MED13: variants seen among roughly 807,000 people sequenced by gnomAD.
MED13 encodes mediator complex subunit 13, also known as mediator of RNA polymerase II transcription subunit 13.
MED13 carries 23 observed loss-of-function variants against 225.2 expected under a neutral mutation model. The observed-to-expected ratio is 0.10, with a 90% confidence interval of 0.07 to 0.14. MED13 has a LOEUF of 0.14. Among genes scored for constraint, MED13 ranks in the 10% least tolerant of loss-of-function variants. The probability of loss-of-function intolerance (pLI) is 1.00; values close to 1 mark genes in which losing one functional copy is unlikely to be tolerated. For missense variants in MED13, 2,197 were observed against 2,594.5 expected (o/e 0.85, Z 3.33); for synonymous variants, 942 against 889.2 (o/e 1.06, Z -1.06).
At chr17:62,059,877 T>C (rs557607199) in intron 2 of MED13, among the ~76,000 whole-genome samples, 1 of 152,284 alleles carries the variant, frequency 6.6e-6, no homozygotes, top group South Asian at 2.1e-4. Context: ...ATTATATAAA[T>C]AACACTGACT....
Position 61,983,082 on chromosome 17 carries a change from G to C in MED13, c.2921C>G (p.Thr974Ser). 1 of 1,612,210 alleles carries C rather than the reference G, an allele frequency of 6.2e-7. No individual in the cohort carries two copies. ...AGTATGAGTTTGAGGTGTATAAGCA[G>C]TGCCATATTCTTGATCCATATTACT... ...DGSNMDQEYGTAYTPQTHTSF... is the reference protein window; with the variant it reads ...DGSNMDQEYGSAYTPQTHTSF... The change falls in exon 16 of 30, where the codon ACT (threonine) becomes AGT (serine). Residue 974 changes from threonine to serine, a missense_variant. Physicochemically the swap from Thr to Ser is moderately conservative, Grantham distance 58 (BLOSUM62 1). Coordinates refer to ENST00000397786, the MANE Select transcript of MED13 (RefSeq NM_005121.3).
intron 2 of MED13, among the ~76,000 whole-genome samples, chr17:62,058,520 CAAAAAA>C (rs751957495): frequency 9.4e-5 from 5 of 53,456 alleles, no homozygotes; most frequent in Admixed American, 4.1e-4. Flanking sequence ...GACTTCATCT[CAAAAAA>C]AAAAAAAAAA....
chr17:62,015,948 ATATATATTTTTTTTTT>A (rs1349257869), intron 8 of MED13, among the ~76,000 whole-genome samples: 13 of 14,610 alleles, frequency 8.9e-4, no homozygotes, highest in East Asian at 4.8e-3. Flanking sequence ...ATATATATAT[ATATATATTTTTTTTTT>A]TTTTTTTTTT....
At chr17:62,064,174 A>G (rs2081063179) in intron 1 of MED13, among the ~76,000 whole-genome samples, 1 of 152,234 alleles carries the variant, frequency 6.6e-6, no homozygotes, top group Non-Finnish European at 1.5e-5. Flanking sequence ...TATACTCTTA[A>G]TATTTCTCAT....
At position 62,010,737 on chromosome 17, in the gene MED13, C is replaced by T. The variant is rs867858271; in HGVS notation, c.1780G>A (p.Val594Ile). 16 of 1,613,368 alleles carry T rather than the reference C, an allele frequency of 9.9e-6. No individual in the cohort carries two copies. In the African/African-American group the frequency reaches 1.6e-4, roughly 16 times the overall value. ...QSFPPQYQEA[V>I]EPTVYVGTAV... The stretch of plus-strand genomic sequence containing the variant: ...GTACCAACATATACTGTAGGTTCTA[C>T]AGCTTCCTGATATTGAGGTGGGAAA... Residue 594 changes from valine (V) to isoleucine (I), a missense_variant, in exon 9 of 30, where the codon GTA becomes ATA. By Grantham distance (29) the Val-to-Ile change is conservative. This residue lies in a region of MED13 where 884 missense variants were observed against 918.5 expected (regional missense o/e 0.96). Coordinates refer to ENST00000397786, the MANE Select transcript of MED13 (RefSeq NM_005121.3).
In MED13 at chr17:61,953,837, T is replaced by C. The variant is rs538492518; in HGVS notation, c.5969-724A>G. ...AAAGTGGGACTACAGTATTCCCCCT[T>C]ATCCATGGGGAATATGTCCCAAGAC... On this transcript the variant is annotated intron_variant, in intron 26 of 29. Coordinates refer to ENST00000397786, the MANE Select transcript of MED13 (RefSeq NM_005121.3). Among the ~76,000 whole-genome samples the C allele has an allele frequency of 4.6e-5, 7 of 152,324 alleles. No homozygotes were observed. The South Asian group carries it at 1.5e-3, about 32-fold the overall frequency.
At chr17:62,055,383 C>CT (rs2080988597) in intron 2 of MED13, among the ~76,000 whole-genome samples, 1 of 150,950 alleles carries the variant, frequency 6.6e-6, no homozygotes, top group South Asian at 2.1e-4. Flanking sequence ...TAGCGAGACT[C>CT]TGACTCAAAA....
chr17:61,968,223 T>C lies in MED13; in HGVS notation c.4003A>G (p.Thr1335Ala). Residue 1335 changes from threonine (T) to alanine (A), a missense_variant, in exon 18 of 30, where the codon ACA becomes GCA. Physicochemically the swap from Thr to Ala is moderately conservative, Grantham distance 58 (BLOSUM62 0). Coordinates refer to ENST00000397786, the MANE Select transcript of MED13 (RefSeq NM_005121.3). ...DESPEPLPIP[T>A]FLLGYDYDYL... is the part of the protein sequence containing the mutation. ...TCATAATCATAACCCAACAAAAATGTGGGGATTGGCAGTGGTTCTGGGGAT... is the reference window on the plus strand; with the variant it reads ...TCATAATCATAACCCAACAAAAATGCGGGGATTGGCAGTGGTTCTGGGGAT... The C allele has an allele frequency of 6.2e-7, 1 of 1,614,044 alleles. No individual in the cohort carries two copies. Among genetic ancestry groups the C allele is most frequent in the Non-Finnish European group, 8.5e-7 (1 of 1,179,988 alleles).
chr17:61,956,456 TAGC>T lies in MED13; in HGVS notation c.5503_5505del (p.Ala1835del), dbSNP rs769501404. 1.9e-6 allele frequency: 3 copies of T among 1,612,568 alleles called. No individual in the cohort carries two copies. The highest frequency in any genetic ancestry group is 2.5e-6 in the Non-Finnish European group (3 of 1,179,550). ...CAAAGTTTCTGTAGACCAAATTTTCTAGCAGAACTTTTTTTCCGACGAGCCCTA... is the reference window on the plus strand; with the variant it reads ...CAAAGTTTCTGTAGACCAAATTTTCTAGAACTTTTTTTCCGACGAGCCCTA... On this transcript the variant is annotated inframe_deletion, in exon 24 of 30. Coordinates refer to ENST00000397786, the MANE Select transcript of MED13 (RefSeq NM_005121.3).
intron 8 of MED13, among the ~76,000 whole-genome samples, chr17:62,024,248 C>T (rs2080678024): frequency 6.6e-6 from 1 of 152,104 alleles, no homozygotes; most frequent in South Asian, 2.1e-4. Context: ...GAACTCCTGA[C>T]CTCACGTGAT....
intron 9 of MED13, among the ~76,000 whole-genome samples, chr17:62,002,913 G>A (rs144950954): frequency 9.9e-5 from 15 of 152,222 alleles, no homozygotes; most frequent in African/African-American, 2.9e-4. Context: ...CTAACACTTC[G>A]AGCTGGATAA....
intron 9 of MED13, among the ~76,000 whole-genome samples, chr17:62,001,696 A>C (rs1403714229): frequency 6.6e-6 from 1 of 152,188 alleles, no homozygotes; most frequent in Non-Finnish European, 1.5e-5. Context: ...AATGGAATTA[A>C]ATTATTCCCC....
rs1555645943 is a variant in MED13 at position 62,058,539 on chromosome 17, A to AAAAG, written c.301+4524_301+4527dup. ...TCATCTCAAAAAAAAAAAAAAAAAA[A>AAAAG]AAAGAAAGAAAGAAAGAAAAAAGCT... On this transcript the variant is annotated intron_variant, in intron 2 of 29. Transcript: ENST00000397786. Among the ~76,000 whole-genome samples the AAAAG allele has an allele frequency of 4.2e-3, 618 of 146,326 alleles. 1 individual carries two copies. Among genetic ancestry groups the AAAAG allele is most frequent in the South Asian group, 0.025 (103 of 4,142 alleles).
At chr17:62,060,434 A>G (rs1448886283) in intron 2 of MED13, among the ~76,000 whole-genome samples, 1 of 151,960 alleles carries the variant, frequency 6.6e-6, no homozygotes, top group African/African-American at 2.4e-5. Context: ...CATCCTGTCT[A>G]ACAGTGAAAC....
chr17:62,058,535 A>G (rs941979472), intron 2 of MED13, among the ~76,000 whole-genome samples: 1 of 151,174 alleles, frequency 6.6e-6, no homozygotes, highest in East Asian at 2.0e-4. Context: ...AAAAAAAAAA[A>G]AAAAAAAGAA....
intron 11 of MED13, among the ~76,000 whole-genome samples, chr17:61,991,416 C>T (rs2080297786): frequency 6.6e-6 from 1 of 151,386 alleles, no homozygotes; most frequent in African/African-American, 2.4e-5. Flanking sequence ...CTTGGCTCAC[C>T]ACAACCTCTG....
At chr17:62,004,676 C>A (rs1410653934) in intron 9 of MED13, 1 of 152,142 alleles carries the variant, frequency 6.6e-6, no homozygotes, top group Non-Finnish European at 1.5e-5. Context: ...CTGGATTTTA[C>A]TCTAAGTGTA....
intron 28 of MED13, 118 bp downstream of exon 28, chr17:61,950,707 T>A: frequency 9.9e-7 from 1 of 1,013,664 alleles, no homozygotes; most frequent in Non-Finnish European, 1.4e-6. Context: ...GAGTCACATA[T>A]GGCAGTGCAT....
At chr17:61,960,800 A>G in intron 23 of MED13, 67 bp downstream of exon 23, 1 of 1,161,320 alleles carries the variant, frequency 8.6e-7, no homozygotes, top group East Asian at 2.6e-5. Flanking sequence ...CTGGTTTTCT[A>G]TTCATTAAAA....
Sources: gnomAD v4.1 joint callset for allele counts (sites outside exome capture counted in the v4.1 genomes callset) on GRCh38, gnomAD v4.1.1 for gene constraint, gnomAD v4.1.1 regional missense constraint, MANE v1.5 for transcripts, NCBI Gene and HGNC (gene_info 2026-07-23, HGNC 2026-07-21) for gene names.